Variants in ZFR2 observed in about 807,000 individuals in gnomAD.
The protein encoded by ZFR2 is zinc finger RNA-binding protein 2.
In ZFR2, 104 loss-of-function variants were observed where a neutral mutation model predicts 105.7. The ratio of observed to expected loss-of-function variants is 0.98; its 90% CI spans 0.84 to 1.16. ZFR2 has a LOEUF of 1.16. Among genes scored for constraint, ZFR2 ranks in the 50% most tolerant of loss-of-function variants. ZFR2 has a pLI of 0.00. For missense variants in ZFR2, 1,425 were observed against 1,355.5 expected (o/e 1.05, Z -0.80); for synonymous variants, 634 against 597.7 (o/e 1.06, Z -0.89).
At chr19:3,811,139 G>A in intron 15 of ZFR2, 133 bp downstream of exon 15, 1 of 900,728 alleles carries the variant, frequency 1.1e-6, no homozygotes, top group Non-Finnish European at 1.6e-6. Context: ...CGGCCAGGAA[G>A]CTGATGGCAG....
chr19:3,854,668 T>C (rs954859902), intron 1 of ZFR2, among the ~76,000 whole-genome samples: 3 of 152,208 alleles, frequency 2.0e-5, no homozygotes, highest in African/African-American at 7.2e-5. Flanking sequence ...CCGTAAACTC[T>C]GCAATAAACT....
intron 10 of ZFR2, 139 bp downstream of exon 10, chr19:3,821,201 T>C (rs2037887896): frequency 8.1e-7 from 1 of 1,239,082 alleles, no homozygotes; most frequent in Non-Finnish European, 1.1e-6. Context: ...ACGTGCCCAC[T>C]GCCCGGGCAC....
At chr19:3,860,169 TACA>T (rs1297266893) in intron 1 of ZFR2, among the ~76,000 whole-genome samples, 3 of 150,836 alleles carry the variant, frequency 2.0e-5, no homozygotes, top group Non-Finnish European at 4.4e-5. Flanking sequence ...TAGCTGGAAC[TACA>T]GGTGTGCACC....
intron 1 of ZFR2, among the ~76,000 whole-genome samples, chr19:3,857,866 C>T (rs1173623560): frequency 1.3e-5 from 2 of 152,094 alleles, no homozygotes; most frequent in African/African-American, 2.4e-5. Context: ...ACAACAAGCA[C>T]GCGCTGGTGC....
chr19:3,816,636 G>A, intron 13 of ZFR2, 38 bp downstream of exon 13: 8 of 1,572,752 alleles, frequency 5.1e-6, no homozygotes, highest in Non-Finnish European at 6.9e-6. Context: ...CTGGCAGCCA[G>A]ACGCCAGAAG....
chr19:3,819,300 C>CGGGCAGGCGGGCAGGT, intron 11 of ZFR2, 65 bp from the exon 12 acceptor site: 1 of 1,401,334 alleles, frequency 7.1e-7, no homozygotes, highest in South Asian at 1.5e-5. Context: ...GCTGGGCAGG[C>CGGGCAGGCGGGCAGGT]GGGCAGGTGG....
chr19:3,821,315 C>A, intron 10 of ZFR2, 25 bp downstream of exon 10: 1 of 1,553,252 alleles, frequency 6.4e-7, no homozygotes, highest in East Asian at 2.3e-5. Flanking sequence ...ACCAGGCCCC[C>A]TTGCCAAGAC....
At chr19:3,818,902 T>G in intron 12 of ZFR2, 143 bp downstream of exon 12, 1 of 1,037,740 alleles carries the variant, frequency 9.6e-7, no homozygotes, top group South Asian at 1.7e-5. Flanking sequence ...GGGAACTTCC[T>G]ACTCCTGGGG....
chr19:3,840,769 C>A (rs915222569), intron 1 of ZFR2, among the ~76,000 whole-genome samples: 1 of 151,790 alleles, frequency 6.6e-6, no homozygotes, highest in Non-Finnish European at 1.5e-5. Context: ...TGGCCTTATG[C>A]GATCCTCCTG....
intron 18 of ZFR2, 33 bp from the exon 19 acceptor site, chr19:3,806,158 G>A (rs958895248): frequency 1.0e-5 from 14 of 1,400,456 alleles, no homozygotes; most frequent in South Asian, 4.7e-5. Flanking sequence ...CAGGACCCCC[G>A]CCCGCTCTGC....
At position 3,830,152 on chromosome 19, in the gene ZFR2, T is replaced by TA. The variant is rs397796896; in HGVS notation, c.852+1150dup. Reference sequence around the variant, plus strand: ...CTGTATCTACAAAAAAATTTTTTTTTAAATAGCCAGGCATGGTGGTGTGCA... The same window carrying TA: ...CTGTATCTACAAAAAAATTTTTTTTTAAAATAGCCAGGCATGGTGGTGTGCA... On this transcript the variant is annotated intron_variant, in intron 5 of 18. Coordinates refer to ENST00000262961, the MANE Select transcript of ZFR2 (RefSeq NM_015174.2). Among the ~76,000 whole-genome samples, 31 of 151,670 alleles carry TA rather than the reference T, an allele frequency of 2.0e-4. No homozygotes were observed. In the East Asian group the frequency reaches 6.0e-3, roughly 30 times the overall value.
At chr19:3,852,650 G>C in intron 1 of ZFR2, 4 of 701,804 alleles carry the variant, frequency 5.7e-6, no homozygotes, top group Non-Finnish European at 1.1e-5. Flanking sequence ...GGAAGGGCAT[G>C]GATATAAGGG....
At chr19:3,817,149 C>G (rs1167300915) in intron 12 of ZFR2, among the ~76,000 whole-genome samples, 1 of 152,198 alleles carries the variant, frequency 6.6e-6, no homozygotes, top group Non-Finnish European at 1.5e-5. Flanking sequence ...CCCGCGAGGT[C>G]TGGTGGCTCC....
At chr19:3,819,579 C>T (rs745614686) in intron 11 of ZFR2, among the ~76,000 whole-genome samples, 4 of 152,150 alleles carry the variant, frequency 2.6e-5, no homozygotes, top group Non-Finnish European at 4.4e-5. Context: ...TGAGGCCGGG[C>T]GCGGTGGCTC....
Position 3,813,736 on chromosome 19 carries a change from G to A in ZFR2, c.2242+84C>T, listed in dbSNP as rs546953498. On this transcript the variant is annotated intron_variant, in intron 14 of 18. Transcript: ENST00000262961. The surrounding 1 kb of genome is among the most constrained non-coding windows in gnomAD (Gnocchi z 4.4). ...GGCATTTCCTGCTCAGGGCAGAGGC[G>A]GACGCTGCCCCAGGCCTGGGTGTGG... The A allele has an allele frequency of 6.3e-5, 98 of 1,564,030 alleles. No homozygotes were observed. The highest frequency in any genetic ancestry group is 3.8e-4 in the African/African-American group (28 of 73,888).
At chr19:3,867,381 C>T (rs952352138) in intron 1 of ZFR2, among the ~76,000 whole-genome samples, 1 of 151,958 alleles carries the variant, frequency 6.6e-6, no homozygotes, top group Non-Finnish European at 1.5e-5. Context: ...GGCAGATGGA[C>T]GGGCTGAAGA....
chr19:3,821,294 T>C lies in ZFR2; in HGVS notation c.1631+46A>G, dbSNP rs200466220. 3.9e-4 allele frequency: 593 copies of C among 1,515,194 alleles called. 2 individuals are homozygous for C. The African/African-American group carries it at 7.4e-3, about 19-fold the overall frequency. The allele number at this position is 1,515,194 out of a possible 1,614,324, so 93.9% of individuals were successfully genotyped here. On this transcript the variant is annotated intron_variant, in intron 10 of 18. Coordinates refer to ENST00000262961, the MANE Select transcript of ZFR2 (RefSeq NM_015174.2). The stretch of plus-strand genomic sequence containing the variant: ...GGGCGTCTAGGTTCCACGCTGGACC[T>C]GCCCTCCCTCACCAGGCCCCCTTGC...
intron 18 of ZFR2, among the ~76,000 whole-genome samples, chr19:3,806,664 C>T (rs1402005966): frequency 6.6e-6 from 1 of 152,220 alleles, no homozygotes; most frequent in Non-Finnish European, 1.5e-5. Flanking sequence ...CCCCCCCGCT[C>T]CACTGACCAC....
chr19:3,811,348 G>C lies in ZFR2; in HGVS notation c.2261C>G (p.Ala754Gly), dbSNP rs201966548. The C allele has an allele frequency of 6.3e-7, 1 of 1,599,038 alleles. No homozygotes were observed. The highest frequency in any genetic ancestry group is 8.5e-7 in the Non-Finnish European group (1 of 1,173,732). ...GGGGCTCAGGACATCACCTGCATCA[G>C]CCTGAGGCTCCTCCACACCTTCTAG... Reference protein sequence around the residue: ...STDPGVEEPQADAGDVLSPKK... With the variant: ...STDPGVEEPQGDAGDVLSPKK... Residue 754 changes from alanine (A) to glycine (G), a missense_variant, in exon 15 of 19, where the codon GCT (alanine) becomes GGT (glycine). Transcript: ENST00000262961.
Sources: gnomAD v4.1 joint callset for allele counts (sites outside exome capture counted in the v4.1 genomes callset) on GRCh38, gnomAD v4.1.1 for gene constraint, Gnocchi (gnomAD v3.1) non-coding constraint, MANE v1.5 for transcripts, NCBI Gene and HGNC (gene_info 2026-07-23, HGNC 2026-07-21) for gene names.